The following INSL6 variants were observed in gnomAD, a reference collection of about 807,000 sequenced individuals.
INSL6 encodes the protein insulin-like peptide INSL6.
INSL6 carries 16 observed loss-of-function variants against 9.4 expected under a neutral mutation model. That is an observed-to-expected ratio of 1.70 (90% CI 1.15 to 2.59). INSL6 has a LOEUF of 2.59. Ranked by LOEUF, INSL6 falls within the 30% of genes most tolerant of loss-of-function variation. INSL6 has a pLI of 0.00. For synonymous variants in INSL6, 154 were observed against 96.9 expected (o/e 1.59, Z -3.46); for missense variants, 391 against 257.3 (o/e 1.52, Z -3.56).
intron 1 of INSL6, among the ~76,000 whole-genome samples, chr9:5,177,052 T>C (rs772860857): frequency 1.3e-5 from 2 of 152,132 alleles, no homozygotes; most frequent in Non-Finnish European, 2.9e-5. Flanking sequence ...GATGACTTTA[T>C]GTAATAAAGA....
chr9:5,131,454 T>TTTTTTTTTTTG (rs1824282070), intron 3 of INSL6, among the ~76,000 whole-genome samples: 1 of 148,676 alleles, frequency 6.7e-6, no homozygotes, highest in African/African-American at 2.5e-5. Context: ...TTTTTTTTTT[T>TTTTTTTTTTTG]GAGACAGAGT....
At chr9:5,147,748 T>C (rs1824629306) in intron 2 of INSL6, among the ~76,000 whole-genome samples, 1 of 152,252 alleles carries the variant, frequency 6.6e-6, no homozygotes, top group African/African-American at 2.4e-5. Context: ...GTTTTGTTCA[T>C]TTTTAATTCT....
chr9:5,085,161 T>C, the INSL6 span: 2 of 650,292 alleles, frequency 3.1e-6, no homozygotes, highest in Non-Finnish European at 6.0e-6. Flanking sequence ...GAGCTCTGTC[T>C]ACATCTCCCG....
At chr9:5,031,183 C>G in the INSL6 span, among the ~76,000 whole-genome samples, 14 of 152,194 alleles carry the variant, frequency 9.2e-5, no homozygotes, top group African/African-American at 3.4e-4. Context: ...AAAATCCTAA[C>G]AAAGGCATTT....
rs1408774135 is a variant in INSL6 at position 5,126,823 on chromosome 9, G to A, written c.*11-2312C>T. 10 of 1,352,352 alleles carry A rather than the reference G, an allele frequency of 7.4e-6. No homozygotes were observed. In the East Asian group the frequency reaches 9.2e-5, roughly 12 times the overall value. 83.8% of individuals were successfully genotyped at this position (1,352,352 alleles called of 1,614,324 possible). ...TGACCTTCATTCTGAGACCAAAGTA[G>A]ATTTACAGAACAAAGTTTTATATTT... On this transcript the variant is annotated intron_variant, in intron 3 of 3. Coordinates refer to the INSL6 transcript ENST00000649639.
Position 5,163,927 on chromosome 9 carries a change from T to G in INSL6, c.628A>C (p.Thr210Pro), listed in dbSNP as rs1824983193. ...TTCTAAGATGGTTAGTATATCTTAG[T>G]TACAAGTGATGATCTTTTTTCCTTT... ...RLKEKRSSLV[T>P]KIY is the part of the protein sequence containing the mutation. The change falls in exon 2 of 2, where the codon ACT becomes CCT. Residue 210 changes from threonine (T) to proline (P), a missense_variant. Thr to Pro is a conservative substitution (Grantham distance 38). Coordinates refer to ENST00000381641, the MANE Select transcript of INSL6 (RefSeq NM_007179.3). The G allele has an allele frequency of 6.3e-7, 1 of 1,595,696 alleles. No individual in the cohort carries two copies. The highest frequency in any genetic ancestry group is 8.5e-7 in the Non-Finnish European group (1 of 1,170,636).
At chr9:5,182,109 C>G (rs1825468888) in intron 1 of INSL6, among the ~76,000 whole-genome samples, 2 of 152,082 alleles carry the variant, frequency 1.3e-5, no homozygotes, top group Admixed American at 6.5e-5. Flanking sequence ...GGGACACATA[C>G]AATGATGTTC....
At chr9:5,072,440 A>C in the INSL6 span, 2 of 1,382,232 alleles carry the variant, frequency 1.4e-6, no homozygotes, top group Non-Finnish European at 1.9e-6. Context: ...TCTTGTTCCT[A>C]CTTCGTTCTC....
the INSL6 span, chr9:5,078,406 G>C: frequency 6.2e-7 from 1 of 1,613,156 alleles, no homozygotes; most frequent in Non-Finnish European, 8.5e-7. Context: ...ATCAAACTTA[G>C]TGATCCTGGC....
chr9:5,012,023 C>T, the INSL6 span, among the ~76,000 whole-genome samples: 3 of 152,208 alleles, frequency 2.0e-5, no homozygotes, highest in African/African-American at 7.2e-5. Flanking sequence ...TAGCTATTGC[C>T]TGTCCCTGGG....
At chr9:5,024,668 G>A in the INSL6 span, among the ~76,000 whole-genome samples, 2 of 152,058 alleles carry the variant, frequency 1.3e-5, no homozygotes, top group African/African-American at 2.4e-5. Context: ...TTTATTGTTT[G>A]CCTCAACTTT....
chr9:5,137,004 A>G (rs150270134), intron 2 of INSL6, among the ~76,000 whole-genome samples: 1 of 152,264 alleles, frequency 6.6e-6, no homozygotes, highest in African/African-American at 2.4e-5. Flanking sequence ...TCATGAGTGA[A>G]CTCCCATTCA....
chr9:5,067,143 G>A, the INSL6 span, among the ~76,000 whole-genome samples: 5 of 152,088 alleles, frequency 3.3e-5, no homozygotes, highest in East Asian at 5.8e-4. Context: ...AAAATAAATC[G>A]GAAGCAAATT....
At chr9:5,180,651 T>C (rs902921980) in intron 1 of INSL6, among the ~76,000 whole-genome samples, 1 of 152,174 alleles carries the variant, frequency 6.6e-6, no homozygotes, top group African/African-American at 2.4e-5. Flanking sequence ...AACTCCACCC[T>C]GGTAAATTTG....
At chr9:5,133,141 A>T (rs1824323257) in intron 3 of INSL6, among the ~76,000 whole-genome samples, 1 of 150,494 alleles carries the variant, frequency 6.6e-6, no homozygotes, top group South Asian at 2.1e-4. Flanking sequence ...ACAGTACATA[A>T]ACAGATATGC....
chr9:5,114,100 A>C, the INSL6 span: 1 of 340,074 alleles, frequency 2.9e-6, no homozygotes, highest in Non-Finnish European at 5.9e-6. Context: ...TGGCTGCCCG[A>C]CCACACCTAC....
the INSL6 span, chr9:5,112,137 C>A: frequency 6.4e-6 from 2 of 311,704 alleles, no homozygotes; most frequent in South Asian, 2.6e-5. Context: ...ACGCCATGGG[C>A]ACGGCTAGCA....
the INSL6 span, among the ~76,000 whole-genome samples, chr9:5,049,803 A>G: frequency 6.6e-6 from 1 of 152,202 alleles, no homozygotes. Flanking sequence ...GTATATGCCT[A>G]GTCTGTATGG....
downstream of INSL6, among the ~76,000 whole-genome samples, chr9:5,163,513 T>G (rs1716560290): frequency 6.6e-6 from 1 of 152,158 alleles, no homozygotes; most frequent in Non-Finnish European, 1.5e-5. Flanking sequence ...TTTAAGTTGG[T>G]GGGACAGATG....
Sources: allele counts gnomAD v4.1 joint callset (sites outside exome capture counted in the v4.1 genomes callset), GRCh38; gene constraint gnomAD v4.1.1; transcripts MANE v1.5; gene names NCBI Gene and HGNC (gene_info 2026-07-23, HGNC 2026-07-21).